TGFBRAP1: variants seen among roughly 807,000 people sequenced by gnomAD.
The protein encoded by TGFBRAP1 is transforming growth factor beta receptor associated protein 1.
In TGFBRAP1, 20 loss-of-function variants were observed where a neutral mutation model predicts 83.2. The observed-to-expected ratio is 0.24, with a 90% CI of 0.17 to 0.35. TGFBRAP1 has a LOEUF of 0.35. TGFBRAP1 is among the 10% of genes least tolerant of loss of function. The probability of loss-of-function intolerance (pLI) is 1.00; values close to 1 mark genes in which losing one functional copy is unlikely to be tolerated. For synonymous variants in TGFBRAP1, 415 were observed against 459.8 expected, an observed-to-expected ratio of 0.90 and a Z score of 1.25; for missense variants, 950 against 1,099.4, an observed-to-expected ratio of 0.86 and a Z score of 1.92.
intron 5 of TGFBRAP1, among the ~76,000 whole-genome samples, chr2:105,282,485 GA>G (rs1439395741): frequency 2.6e-5 from 4 of 152,218 alleles, no homozygotes; most frequent in Non-Finnish European, 5.9e-5. Context: ...TGTGAGCACA[GA>G]AAAGGAAGTG....
In TGFBRAP1 at chr2:105,273,681, G is replaced by T; in HGVS notation, c.1675C>A (p.Gln559Lys). Residue 559 changes from glutamine to lysine, a missense_variant, in exon 9 of 12, where the codon CAG becomes AAG. Coordinates refer to ENST00000393359, the MANE Select transcript of TGFBRAP1 (RefSeq NM_004257.6). ...VLQKSEEVGV[Q>K]VFTKRPLDEQ... ...TCCAAAGGTCTCTTGGTGAAAACCT[G>T]AACTCCGACCTGAAAGAGGAGCGAC... 1 of 1,614,040 alleles carries T rather than the reference G, an allele frequency of 6.2e-7. No individual in the cohort carries two copies. Among genetic ancestry groups the T allele is most frequent in the South Asian group, 1.1e-5 (1 of 91,018 alleles).
intron 1 of TGFBRAP1, among the ~76,000 whole-genome samples, chr2:105,318,746 T>C (rs1252528464): frequency 1.3e-5 from 2 of 152,176 alleles, no homozygotes; most frequent in Non-Finnish European, 2.9e-5. Flanking sequence ...TCATTTCCCA[T>C]AAACATACCC....
intron 4 of TGFBRAP1, among the ~76,000 whole-genome samples, chr2:105,288,419 C>G (rs1467141005): frequency 6.6e-6 from 1 of 152,154 alleles, no homozygotes; most frequent in Admixed American, 6.5e-5. Flanking sequence ...GTGGGTCACC[C>G]TGGCTAGATT....
the TGFBRAP1 span, among the ~76,000 whole-genome samples, chr2:105,250,811 G>A: frequency 1.3e-5 from 2 of 152,204 alleles, no homozygotes; most frequent in Admixed American, 6.5e-5. Flanking sequence ...GCGCCGCCAC[G>A]CCTGACTGGT....
intron 1 of TGFBRAP1, among the ~76,000 whole-genome samples, chr2:105,323,742 C>A (rs1046397310): frequency 6.6e-6 from 1 of 152,168 alleles, no homozygotes; most frequent in East Asian, 1.9e-4. Flanking sequence ...CAAACACCTC[C>A]AATTCCCATG....
intron 4 of TGFBRAP1, among the ~76,000 whole-genome samples, chr2:105,289,628 G>T (rs1677837942): frequency 6.6e-6 from 1 of 152,202 alleles, no homozygotes; most frequent in South Asian, 2.1e-4. Flanking sequence ...AAGCCCTACA[G>T]GCCTCGAAAC....
At chr2:105,250,257 T>G in the TGFBRAP1 span, among the ~76,000 whole-genome samples, 1 of 152,168 alleles carries the variant, frequency 6.6e-6, no homozygotes, top group Non-Finnish European at 1.5e-5. Context: ...GGCACTGATA[T>G]GCAAGTTCAG....
chr2:105,324,846 G>C lies in TGFBRAP1; in HGVS notation c.-18+4779C>G, dbSNP rs940792560. On this transcript the variant is annotated intron_variant, in intron 1 of 11. Transcript: ENST00000393359. ...CTCAGTAATAAGGATCAAGGCCCCA[G>C]AGCGAAACTGGGCCACCCCGGCAGT... Among the ~76,000 whole-genome samples the C allele has an allele frequency of 2.6e-5, 4 of 152,270 alleles. No homozygotes were observed. In the East Asian group the frequency reaches 7.7e-4, roughly 29 times the overall value.
intron 4 of TGFBRAP1, among the ~76,000 whole-genome samples, chr2:105,292,362 C>A (rs1558640704): frequency 6.6e-6 from 1 of 152,162 alleles, no homozygotes. Context: ...GAGGGCTATT[C>A]CTCCAAAGCA....
At chr2:105,307,466 T>TA in intron 2 of TGFBRAP1, 148 bp downstream of exon 2, 2 of 853,538 alleles carry the variant, frequency 2.3e-6, no homozygotes, top group Non-Finnish European at 3.7e-6. Flanking sequence ...CATCAAGCAC[T>TA]GGTCAAGCAC....
chr2:105,285,309 A>G (rs1025607656), intron 4 of TGFBRAP1, among the ~76,000 whole-genome samples: 1 of 152,140 alleles, frequency 6.6e-6, no homozygotes, highest in Admixed American at 6.5e-5. Context: ...AGCGTCTCCC[A>G]CTACTAGCCA....
intron 1 of TGFBRAP1, among the ~76,000 whole-genome samples, chr2:105,318,486 TA>T (rs1268677161): frequency 2.0e-5 from 3 of 152,192 alleles, no homozygotes; most frequent in Non-Finnish European, 4.4e-5. Flanking sequence ...GTAGAATGTA[TA>T]AAATTCTACT....
At chr2:105,299,217 G>T (rs1479239625) in intron 2 of TGFBRAP1, among the ~76,000 whole-genome samples, 2 of 152,118 alleles carry the variant, frequency 1.3e-5, no homozygotes, top group Non-Finnish European at 2.9e-5. Flanking sequence ...GAAGGTCAAG[G>T]CTGCAGTGAG....
chr2:105,284,259 G>T (rs1677639737), intron 5 of TGFBRAP1, 57 bp downstream of exon 5: 3 of 1,531,886 alleles, frequency 2.0e-6, no homozygotes, highest in Non-Finnish European at 2.7e-6. Flanking sequence ...AGAAACGCAG[G>T]TTCTGGCCAC....
intron 4 of TGFBRAP1, among the ~76,000 whole-genome samples, chr2:105,291,570 C>A (rs112957275): frequency 1.3e-5 from 2 of 152,228 alleles, no homozygotes; most frequent in South Asian, 2.1e-4. Flanking sequence ...TAGGTACATA[C>A]AATGGAATAT....
intron 2 of TGFBRAP1, among the ~76,000 whole-genome samples, chr2:105,301,719 A>G (rs1678302070): frequency 6.6e-6 from 1 of 152,186 alleles, no homozygotes; most frequent in South Asian, 2.1e-4. Context: ...GATACATTTG[A>G]TTATACAGAA....
At chr2:105,264,210 A>G (rs529413960), downstream of TGFBRAP1, among the ~76,000 whole-genome samples, 3 of 152,346 alleles carry the variant, frequency 2.0e-5, no homozygotes, top group African/African-American at 7.2e-5. Context: ...GTGCATGATT[A>G]ATCTGATGGC....
intron 8 of TGFBRAP1, among the ~76,000 whole-genome samples, 183 bp from the exon 9 acceptor site, chr2:105,273,873 A>G (rs1235676364): frequency 6.6e-6 from 1 of 152,232 alleles, no homozygotes; most frequent in East Asian, 1.9e-4. Context: ...AAAAAATATA[A>G]TTATGGAGAA....
Position 105,307,801 on chromosome 2 carries a change from G to A in TGFBRAP1, c.501C>T (p.Ala167=), listed in dbSNP as rs762782922. The change falls in exon 2 of 12, where the codon GCC becomes GCT. Residue 167 remains alanine, a synonymous_variant. Coordinates refer to ENST00000393359, the MANE Select transcript of TGFBRAP1 (RefSeq NM_004257.6). ...RVQIVKEVST[A]EQPLAVAVDG... ...CCACAGCCACAGCGAGGGGCTGCTC[G>A]GCAGTCGACACCTCCTTGACGATCT... is the stretch of plus-strand genomic sequence containing the variant. 79 of 1,613,984 alleles carry A rather than the reference G, an allele frequency of 4.9e-5. No homozygotes were observed. Among genetic ancestry groups the A allele is most frequent in the Middle Eastern group, 1.6e-4 (1 of 6,082 alleles).
Sources: gnomAD v4.1 joint callset for allele counts (sites outside exome capture counted in the v4.1 genomes callset) on GRCh38, gnomAD v4.1.1 for gene constraint, MANE v1.5 for transcripts, NCBI Gene and HGNC (gene_info 2026-07-23, HGNC 2026-07-21) for gene names.